Variants in CALN1 observed in about 807,000 individuals in gnomAD.
The protein encoded by CALN1 is calneuron 1.
In CALN1, 17 loss-of-function variants were observed where a neutral mutation model predicts 30.6. That is an observed-to-expected ratio of 0.56 (90% CI 0.38 to 0.83). The LOEUF is 0.83. CALN1 is among the 40% of genes least tolerant of loss of function. CALN1 has a pLI of 0.00. For synonymous variants in CALN1, 156 were observed against 131.4 expected (o/e 1.19, Z -1.28); for missense variants, 291 against 354.9 (o/e 0.82, Z 1.45).
intron 1 of CALN1, among the ~76,000 whole-genome samples, chr7:72,445,339 G>A (rs1808495975): frequency 6.6e-6 from 1 of 152,106 alleles, no homozygotes; most frequent in Non-Finnish European, 1.5e-5. Flanking sequence ...GTGAGCTCAA[G>A]GAACTCACCC....
intron 4 of CALN1, among the ~76,000 whole-genome samples, chr7:72,039,462 G>A (rs957576629): frequency 4.6e-5 from 7 of 152,182 alleles, no homozygotes; most frequent in African/African-American, 9.7e-5. Flanking sequence ...GGAATCAAAA[G>A]TCATCCAGTA....
rs557291035 is a variant in CALN1, at chr7:71,825,946, T to C, written c.502-15454A>G. ...TACTTGGGAGGCTGAGGCAGGAGAA[T>C]TGCTTGAACCTGGGTGGTGGAGGTT... On this transcript the variant is annotated intron_variant, in intron 5 of 6. Transcript: ENST00000395275. 8.8e-4 allele frequency among the ~76,000 whole-genome samples: 126 copies of C among 143,458 alleles called. 1 individual carries two copies. Among genetic ancestry groups the C allele is most frequent in the Admixed American group, 4.8e-3 (64 of 13,364 alleles). The allele number at this position is 143,458 out of a possible 152,430, so 94.1% of individuals were successfully genotyped here.
chr7:72,110,486 C>T (rs1236939780), intron 3 of CALN1, among the ~76,000 whole-genome samples: 1 of 152,212 alleles, frequency 6.6e-6, no homozygotes, highest in Non-Finnish European at 1.5e-5. Context: ...GCAGGCCACA[C>T]ATCAGCTCAG....
At chr7:71,937,030 C>T (rs961540032) in intron 5 of CALN1, among the ~76,000 whole-genome samples, 5 of 152,112 alleles carry the variant, frequency 3.3e-5, no homozygotes, top group South Asian at 2.1e-4. Flanking sequence ...CTTTTTCTTC[C>T]CAGTCTCAGG....
At chr7:72,485,819 T>C in the CALN1 span, among the ~76,000 whole-genome samples, 5 of 151,888 alleles carry the variant, frequency 3.3e-5, no homozygotes, top group South Asian at 8.3e-4. Flanking sequence ...TGCAGTGAGG[T>C]GAGATCGCAC....
At chr7:71,801,420 G>GTATCTATCTATC (rs1469408457) in intron 6 of CALN1, among the ~76,000 whole-genome samples, 1,385 of 101,966 alleles carry the variant, frequency 0.014, 13 homozygotes, top group Middle Eastern at 0.035. Context: ...ATGTATGTAT[G>GTATCTATCTATC]TATGTATGTA....
At chr7:71,972,737 G>A (rs1174286169) in intron 5 of CALN1, among the ~76,000 whole-genome samples, 3 of 152,174 alleles carry the variant, frequency 2.0e-5, no homozygotes, top group African/African-American at 7.2e-5. Context: ...ATTCACACGT[G>A]TGCTTGGCAG....
chr7:71,947,930 G>A (rs10248188), intron 5 of CALN1, among the ~76,000 whole-genome samples: 829 of 82,032 alleles, frequency 0.01, 8 homozygotes, highest in African/African-American at 0.038. Context: ...GCAAGACTCC[G>A]TCTCAAAAAA....
At chr7:72,464,266 G>A in the CALN1 span, among the ~76,000 whole-genome samples, 1 of 152,108 alleles carries the variant, frequency 6.6e-6, no homozygotes, top group African/African-American at 2.4e-5. Flanking sequence ...CTATGACAGT[G>A]CCACTGCACT....
chr7:71,806,573 A>G (rs1420547705), intron 6 of CALN1, among the ~76,000 whole-genome samples: 1 of 152,164 alleles, frequency 6.6e-6, no homozygotes. Flanking sequence ...TCCCAAAGGG[A>G]TGGGATTACA....
At chr7:71,792,208 GCTGT>G (rs1030264656) in intron 6 of CALN1, among the ~76,000 whole-genome samples, 1 of 152,066 alleles carries the variant, frequency 6.6e-6, no homozygotes, top group Non-Finnish European at 1.5e-5. Context: ...CTTGCCTCTT[GCTGT>G]CTATTATTTA....
intron 5 of CALN1, among the ~76,000 whole-genome samples, chr7:71,912,577 T>A (rs1467282953): frequency 6.6e-6 from 1 of 152,222 alleles, no homozygotes; most frequent in Non-Finnish European, 1.5e-5. Context: ...AACAATCCAC[T>A]GCTTCCAGCT....
chr7:71,909,947 G>A (rs1794338646), intron 5 of CALN1, among the ~76,000 whole-genome samples: 1 of 152,166 alleles, frequency 6.6e-6, no homozygotes, highest in Non-Finnish European at 1.5e-5. Flanking sequence ...AGCATGGCTG[G>A]GGAGGCCTCC....
intron 4 of CALN1, among the ~76,000 whole-genome samples, chr7:72,024,325 G>A (rs779463507): frequency 6.6e-5 from 10 of 152,122 alleles, no homozygotes; most frequent in Non-Finnish European, 1.2e-4. Context: ...TCTTACCTTC[G>A]CAGTCTCTTC....
At chr7:72,475,941 C>CTTTT in the CALN1 span, among the ~76,000 whole-genome samples, 52 of 75,868 alleles carry the variant, frequency 6.9e-4, no homozygotes, top group South Asian at 1.2e-3. Flanking sequence ...CTCTCTCTCT[C>CTTTT]TTTTTTTTTT....
rs771250292 is a variant in CALN1, at chr7:72,378,633, T to C, written c.119+24618A>G. ...GTAGTCGTCTTACACATTACTTTCA[T>C]ATACCTTAGAATCTCCATTAGGTAA... is the stretch of plus-strand genomic sequence containing the variant. On this transcript the variant is annotated intron_variant, in intron 2 of 6. Transcript: ENST00000395275. Among the ~76,000 whole-genome samples, 77 of 152,196 alleles carry C rather than the reference T, an allele frequency of 5.1e-4. 1 individual carries two copies. The highest frequency in any genetic ancestry group is 1.8e-3 in the African/African-American group (74 of 41,454).
chr7:72,077,027 A>C (rs1246458277), intron 4 of CALN1, among the ~76,000 whole-genome samples: 1 of 151,794 alleles, frequency 6.6e-6, no homozygotes, highest in African/African-American at 2.4e-5. Flanking sequence ...CAAGAATCAA[A>C]ACCAAGGGAG....
chr7:71,912,921 C>T (rs1366544039), intron 5 of CALN1, among the ~76,000 whole-genome samples: 3 of 152,290 alleles, frequency 2.0e-5, no homozygotes, highest in African/African-American at 7.2e-5. Flanking sequence ...ACCGACTTGA[C>T]GGACTAAGCC....
In CALN1 at chr7:72,083,549, ACTTCAGCC is replaced by A. The variant is rs1300395777; in HGVS notation, c.388+22594_388+22601del. On this transcript the variant is annotated intron_variant, in intron 4 of 6. Transcript: ENST00000395275. ...CATCGAGCTATGATCATGCCACTGC[ACTTCAGCC>A]TGGGTGGCTGAGCAAGACCTCATCT... is the stretch of plus-strand genomic sequence containing the variant. Among the ~76,000 whole-genome samples, 3 of 152,136 alleles carry A rather than the reference ACTTCAGCC, an allele frequency of 2.0e-5. No individual in the cohort carries two copies. The East Asian group carries it at 5.8e-4, about 29-fold the overall frequency.
Sources: allele counts gnomAD v4.1 joint callset (sites outside exome capture counted in the v4.1 genomes callset), GRCh38; gene constraint gnomAD v4.1.1; transcripts MANE v1.5; gene names NCBI Gene and HGNC (gene_info 2026-07-23, HGNC 2026-07-21).